SCAPER: variants seen among roughly 807,000 people sequenced by gnomAD.
The protein encoded by SCAPER is S phase cyclin A-associated protein in the endoplasmic reticulum.
In SCAPER, 98 loss-of-function variants were observed where a neutral mutation model predicts 182.2. The ratio of observed to expected loss-of-function variants is 0.54; its 90% CI spans 0.46 to 0.64. The LOEUF is 0.64. Among genes scored for constraint, SCAPER ranks in the 30% least tolerant of loss-of-function variants. SCAPER has a pLI of 0.00. For missense variants in SCAPER, 1,432 were observed against 1,690.0 expected, an observed-to-expected ratio of 0.85 and a Z score of 2.68; for synonymous variants, 605 against 564.6, an observed-to-expected ratio of 1.07 and a Z score of -1.01.
chr15:76,635,433 A>AT (rs924511578), intron 21 of SCAPER, among the ~76,000 whole-genome samples: 8 of 151,742 alleles, frequency 5.3e-5, no homozygotes, highest in African/African-American at 1.2e-4. Flanking sequence ...CCAGGAATTG[A>AT]TTTTTTTTTC....
intron 14 of SCAPER, 21 bp downstream of exon 14, chr15:76,764,940 T>C (rs1228737887): frequency 1.4e-6 from 2 of 1,453,856 alleles, no homozygotes; most frequent in African/African-American, 1.4e-5. Context: ...TATCATAATT[T>C]CCTAAAAAAT....
At chr15:76,857,907 T>G in intron 3 of SCAPER, 28 bp from the exon 4 acceptor site, 1 of 1,428,140 alleles carries the variant, frequency 7.0e-7, no homozygotes. Context: ...AATAAATATG[T>G]AGATATACAG....
chr15:76,693,324 A>T (rs1408616267), intron 20 of SCAPER, among the ~76,000 whole-genome samples: 4 of 152,222 alleles, frequency 2.6e-5, no homozygotes, highest in Non-Finnish European at 5.9e-5. Flanking sequence ...GCTATTAAAA[A>T]ATTGAAAATA....
In SCAPER at chr15:76,509,320, C is replaced by T. The variant is rs560105068; in HGVS notation, c.2839-4346G>A. Among the ~76,000 whole-genome samples, 4 of 152,258 alleles carry T rather than the reference C, an allele frequency of 2.6e-5. 1 individual carries two copies. Among genetic ancestry groups the T allele is most frequent in the African/African-American group, 9.6e-5 (4 of 41,550 alleles). On this transcript the variant is annotated intron_variant, in intron 23 of 31. Transcript: ENST00000563290. ...AATTCTGAATATTCTACTTCTGTTA[C>T]ACTTCTTGCCTCTTCTATCCATGAC...
chr15:76,752,724 T>TGA (rs1460762963), intron 15 of SCAPER, among the ~76,000 whole-genome samples: 3 of 151,256 alleles, frequency 2.0e-5, no homozygotes, highest in Non-Finnish European at 1.5e-5. Flanking sequence ...GGGCTGGGGG[T>TGA]GAGAATGAGG....
intron 8 of SCAPER, among the ~76,000 whole-genome samples, chr15:76,779,483 T>C (rs571274586): frequency 1.0e-3 from 153 of 152,240 alleles, no homozygotes; most frequent in African/African-American, 3.6e-3. Flanking sequence ...CACTAGCTAC[T>C]AAAATTCAAC....
chr15:76,755,321 T>C (rs1264873978), intron 14 of SCAPER, among the ~76,000 whole-genome samples: 3 of 152,158 alleles, frequency 2.0e-5, no homozygotes. Context: ...ATCAAAGAAT[T>C]TTCTTACAGT....
Position 76,701,815 on chromosome 15 carries a change from C to T in SCAPER, c.2451G>A (p.Gln817=), listed in dbSNP as rs138681007. 1.9e-6 allele frequency: 3 copies of T among 1,613,830 alleles called. No homozygotes were observed. In the East Asian group the frequency reaches 6.7e-5, roughly 36 times the overall value. ...TGCTGGTATTCTCTCTCACGGCTTGCTGGTGTTTTCTCCCTTTAACATGGC... is the reference window on the plus strand; with the variant it reads ...TGCTGGTATTCTCTCTCACGGCTTGTTGGTGTTTTCTCCCTTTAACATGGC... ...LFSHVKGRKH[Q]QAVRENTSIQ... Residue 817 remains glutamine (Q), a synonymous_variant, in exon 20 of 32, where the codon CAG becomes CAA. Coordinates refer to ENST00000563290, the MANE Select transcript of SCAPER (RefSeq NM_020843.4).
chr15:76,460,171 T>A (rs1398327588), intron 25 of SCAPER, among the ~76,000 whole-genome samples: 2 of 152,158 alleles, frequency 1.3e-5, no homozygotes, highest in Admixed American at 1.3e-4. Context: ...GGTAGTATAG[T>A]CATTTTATTA....
chr15:76,769,840 G>C (rs1034256593), intron 10 of SCAPER, among the ~76,000 whole-genome samples: 8 of 152,090 alleles, frequency 5.3e-5, no homozygotes. Context: ...TTGACCCAGC[G>C]ATCCCATTAC....
chr15:76,528,597 C>T lies in SCAPER; in HGVS notation c.2839-23623G>A, dbSNP rs2043386614. Among the ~76,000 whole-genome samples, 3 of 152,346 alleles carry T rather than the reference C, an allele frequency of 2.0e-5. 1 individual carries two copies. In the South Asian group the frequency reaches 6.2e-4, roughly 32 times the overall value. On this transcript the variant is annotated intron_variant, in intron 23 of 31. Transcript: ENST00000563290. ...TTAAACACTTTTCAAATGCATTTCT[C>T]CAGGTTCAAACAATCCCTATCGTCA...
intron 5 of SCAPER, among the ~76,000 whole-genome samples, chr15:76,820,457 G>T (rs889892705): frequency 5.3e-5 from 8 of 152,198 alleles, no homozygotes; most frequent in East Asian, 1.9e-4. Context: ...GATGAAGCTG[G>T]AAACCATCAT....
intron 26 of SCAPER, among the ~76,000 whole-genome samples, chr15:76,428,056 T>C (rs1477285728): frequency 2.0e-5 from 3 of 151,864 alleles, no homozygotes; most frequent in Non-Finnish European, 4.4e-5. Context: ...GCCATAATCA[T>C]GCCACTGCAC....
intron 5 of SCAPER, among the ~76,000 whole-genome samples, chr15:76,839,421 T>G (rs2151761442): frequency 6.6e-6 from 1 of 152,328 alleles, no homozygotes; most frequent in East Asian, 1.9e-4. Context: ...TGGATGGCAG[T>G]GCTTTGATAA....
Position 76,594,621 on chromosome 15 carries a change from C to T in SCAPER, c.2712-20337G>A, listed in dbSNP as rs1223137047. On this transcript the variant is annotated intron_variant, in intron 22 of 31. Coordinates refer to ENST00000563290, the MANE Select transcript of SCAPER (RefSeq NM_020843.4). ...AAAGGGAAGCCCATCAGACTAACAGCGGATCTCTCTGCAGAAACTCTACAA... is the reference window on the plus strand; with the variant it reads ...AAAGGGAAGCCCATCAGACTAACAGTGGATCTCTCTGCAGAAACTCTACAA... 3.3e-5 allele frequency among the ~76,000 whole-genome samples: 4 copies of T among 121,700 alleles called. 2 individuals are homozygous for T. The South Asian group carries it at 1.0e-3, about 31-fold the overall frequency. The allele number at this position is 121,700 out of a possible 152,430, so 79.8% of individuals were successfully genotyped here. A position where few individuals can be genotyped will look rare whatever the true frequency, so the allele number is the denominator to read the frequency against.
chr15:76,400,734 G>C (rs1340027840), intron 27 of SCAPER, among the ~76,000 whole-genome samples: 1 of 152,110 alleles, frequency 6.6e-6, no homozygotes, highest in Admixed American at 6.5e-5. Flanking sequence ...ATCTGTTTTT[G>C]TAGTAAGTCC....
chr15:76,652,271 AAAATATATAT>A (rs1440509656), intron 21 of SCAPER, among the ~76,000 whole-genome samples: 7 of 15,364 alleles, frequency 4.6e-4, no homozygotes, highest in Admixed American at 1.1e-3. Context: ...AAAAAAAAAA[AAAATATATAT>A]ATATATATAT....
intron 1 of SCAPER, among the ~76,000 whole-genome samples, chr15:76,884,799 A>G (rs1389305723): frequency 6.6e-6 from 1 of 152,250 alleles, no homozygotes; most frequent in Non-Finnish European, 1.5e-5. Flanking sequence ...TAAAATGTAT[A>G]TTCACACAAT....
chr15:76,628,947 T>C (rs1003581941), intron 21 of SCAPER, among the ~76,000 whole-genome samples: 2 of 152,260 alleles, frequency 1.3e-5, no homozygotes, highest in Non-Finnish European at 2.9e-5. Context: ...TCTGATTTCT[T>C]TGGGCAGTGG....
Sources: allele counts gnomAD v4.1 joint callset (sites outside exome capture counted in the v4.1 genomes callset), GRCh38; gene constraint gnomAD v4.1.1; transcripts MANE v1.5; gene names NCBI Gene and HGNC (gene_info 2026-07-23, HGNC 2026-07-21).